Variants in FAF2 observed in about 807,000 individuals in gnomAD.
FAF2 encodes the protein Fas associated factor family member 2, also known as FAS-associated factor 2.
In FAF2, 9 loss-of-function variants were observed where a neutral mutation model predicts 62.3. The observed-to-expected ratio is 0.14, with a 90% CI of 0.09 to 0.25. The LOEUF (loss-of-function observed/expected upper bound fraction) is 0.25. Ranked by LOEUF, FAF2 falls within the 10% of genes least tolerant of loss-of-function variation. FAF2 has a pLI of 1.00. For synonymous variants in FAF2, 202 were observed against 198.0 expected (o/e 1.02, Z -0.17); for missense variants, 368 against 556.2 (o/e 0.66, Z 3.40).
At chr5:176,453,536 A>G (rs909191297) in intron 1 of FAF2, 1 of 152,066 alleles carries the variant, frequency 6.6e-6, no homozygotes, top group African/African-American at 2.4e-5. Flanking sequence ...TCACCTGACT[A>G]TATTACCTAA....
intron 1 of FAF2, among the ~76,000 whole-genome samples, chr5:176,457,334 G>A (rs1347054936): frequency 6.6e-6 from 1 of 151,870 alleles, no homozygotes; most frequent in African/African-American, 2.4e-5. Flanking sequence ...GATTATAGGC[G>A]CCCACCACCA....
chr5:176,494,635 A>G lies in FAF2; in HGVS notation c.661+360A>G, dbSNP rs1182041878. ...AGTGGTGCGATCTTGGCTCACTGCA[A>G]CCTCCACCTCCTGGGTTCAAGCGAT... On this transcript the variant is annotated intron_variant, in intron 7 of 10. Transcript: ENST00000261942. This position sits in a 1 kb window ranked among gnomAD's most constrained non-coding sequence, Gnocchi z 4.0. Among the ~76,000 whole-genome samples, 2 of 151,820 alleles carry G rather than the reference A, an allele frequency of 1.3e-5. No homozygotes were observed. The highest frequency in any genetic ancestry group is 4.8e-5 in the African/African-American group (2 of 41,308).
intron 1 of FAF2, among the ~76,000 whole-genome samples, chr5:176,451,889 T>TACAC: frequency 3.5e-5 from 1 of 28,720 alleles, no homozygotes; most frequent in Non-Finnish European, 6.2e-5. Flanking sequence ...TATATATATA[T>TACAC]ATATTTTTTT....
chr5:176,501,080 T>C (rs572729374), intron 10 of FAF2, among the ~76,000 whole-genome samples: 1 of 151,842 alleles, frequency 6.6e-6, no homozygotes, highest in Non-Finnish European at 1.5e-5. Context: ...TGAGCCAAGA[T>C]TGCAGCACTG....
chr5:176,479,813 C>T (rs960267573), intron 2 of FAF2, among the ~76,000 whole-genome samples: 1 of 152,142 alleles, frequency 6.6e-6, no homozygotes, highest in Non-Finnish European at 1.5e-5. Context: ...TCTCCTACCT[C>T]AGCCCCCTGA....
In FAF2 at chr5:176,508,829, A is replaced by G. The variant is rs1470144438; in HGVS notation, c.*1879A>G. ...TTCCTGCTGACAACCATGCAGAGGA[A>G]TTTTTCCACTTAAGTCAGAGCCTTC... On this transcript the variant is annotated 3_prime_UTR_variant, in exon 11 of 11. Coordinates refer to ENST00000261942, the MANE Select transcript of FAF2 (RefSeq NM_014613.3). 1 of 152,134 alleles carries G rather than the reference A, an allele frequency of 6.6e-6. No individual in the cohort carries two copies. Among genetic ancestry groups the G allele is most frequent in the Non-Finnish European group, 1.5e-5 (1 of 68,024 alleles). The allele number at this position is 152,134 out of a possible 1,614,324, so 9.4% of individuals were successfully genotyped here.
chr5:176,463,376 C>T (rs1355763035), intron 1 of FAF2, among the ~76,000 whole-genome samples: 3 of 150,850 alleles, frequency 2.0e-5, no homozygotes, highest in Non-Finnish European at 3.0e-5. Context: ...CAGAGTGAGA[C>T]TCCATCTCAA....
intron 8 of FAF2, among the ~76,000 whole-genome samples, chr5:176,498,235 GTTCT>G (rs1184280647): frequency 2.0e-5 from 3 of 152,192 alleles, no homozygotes; most frequent in Admixed American, 6.5e-5. Flanking sequence ...TAACTGAAAT[GTTCT>G]GTCTTGATTG....
intron 1 of FAF2, among the ~76,000 whole-genome samples, chr5:176,465,366 C>G (rs1254882919): frequency 5.2e-5 from 6 of 115,700 alleles, no homozygotes; most frequent in African/African-American, 2.1e-4. Context: ...CTTTTTCTTT[C>G]TTTTTTTTTT....
At chr5:176,497,550 C>T (rs1228097836) in intron 8 of FAF2, among the ~76,000 whole-genome samples, 3 of 152,188 alleles carry the variant, frequency 2.0e-5, no homozygotes, top group Non-Finnish European at 4.4e-5. Context: ...AAAATTACTG[C>T]ATAACATTCC....
intron 1 of FAF2, among the ~76,000 whole-genome samples, chr5:176,458,669 G>A (rs192730964): frequency 5.9e-4 from 89 of 151,520 alleles, no homozygotes; most frequent in Middle Eastern, 3.4e-3. Context: ...CTTCCAAAGT[G>A]CTGGGATTAC....
chr5:176,504,278 C>T (rs1755641863), intron 10 of FAF2, among the ~76,000 whole-genome samples: 1 of 151,942 alleles, frequency 6.6e-6, no homozygotes, highest in Non-Finnish European at 1.5e-5. Context: ...GAGTTCGAGA[C>T]CAGCCTAATG....
intron 1 of FAF2, among the ~76,000 whole-genome samples, chr5:176,467,813 A>G (rs967563998): frequency 6.6e-6 from 1 of 152,242 alleles, no homozygotes; most frequent in South Asian, 2.1e-4. Flanking sequence ...AAGATTAGCT[A>G]TGTTAGTTCC....
At chr5:176,458,239 GC>G (rs1758311089) in intron 1 of FAF2, among the ~76,000 whole-genome samples, 1 of 149,360 alleles carries the variant, frequency 6.7e-6, no homozygotes, top group South Asian at 2.1e-4. Flanking sequence ...GTGCCACCAC[GC>G]CCAGCTAATT....
At chr5:176,475,493 C>T (rs1044549913) in intron 1 of FAF2, among the ~76,000 whole-genome samples, 5 of 152,144 alleles carry the variant, frequency 3.3e-5, no homozygotes, top group Non-Finnish European at 7.4e-5. Context: ...CATATCAATA[C>T]CAGCCGGGCA....
intron 8 of FAF2, among the ~76,000 whole-genome samples, chr5:176,498,428 G>A (rs1755536595): frequency 6.6e-6 from 1 of 152,176 alleles, no homozygotes; most frequent in Admixed American, 6.5e-5. Context: ...GAAAATAGGA[G>A]ATATGCCAAA....
chr5:176,451,313 G>A lies in FAF2; in HGVS notation c.63+2843G>A, dbSNP rs554883643. Among the ~76,000 whole-genome samples, 686 of 152,280 alleles carry A rather than the reference G, an allele frequency of 4.5e-3. 6 individuals are homozygous for A. Among genetic ancestry groups the A allele is most frequent in the African/African-American group, 0.016 (662 of 41,572 alleles). ...TTGAACCCGGGAGGTGGAGGTTGCA[G>A]TGAGCCAAGATCGTGCCACTGCACT... On this transcript the variant is annotated intron_variant, in intron 1 of 10. Coordinates refer to ENST00000261942, the MANE Select transcript of FAF2 (RefSeq NM_014613.3).
At chr5:176,483,491 A>G (rs1020127454) in intron 2 of FAF2, among the ~76,000 whole-genome samples, 4 of 152,216 alleles carry the variant, frequency 2.6e-5, no homozygotes, top group Admixed American at 6.5e-5. Flanking sequence ...TGGATATCCA[A>G]TTATCCCAGC....
intron 1 of FAF2, among the ~76,000 whole-genome samples, chr5:176,464,756 T>G (rs1758435471): frequency 6.6e-6 from 1 of 152,082 alleles, no homozygotes; most frequent in Non-Finnish European, 1.5e-5. Context: ...TTTTTTTTTT[T>G]TTTAAAGACC....
Sources: allele counts gnomAD v4.1 joint callset (sites outside exome capture counted in the v4.1 genomes callset), GRCh38; gene constraint gnomAD v4.1.1; non-coding constraint Gnocchi (gnomAD v3.1); transcripts MANE v1.5; gene names NCBI Gene and HGNC (gene_info 2026-07-23, HGNC 2026-07-21).